The following EZH2 variants were observed in gnomAD, a reference collection of about 807,000 sequenced individuals.
The protein encoded by EZH2 is histone-lysine N-methyltransferase EZH2.
In EZH2, 18 loss-of-function variants were observed where a neutral mutation model predicts 98.4. The ratio of observed to expected loss-of-function variants is 0.18; its 90% CI spans 0.13 to 0.27. The LOEUF is 0.27. EZH2 is among the 10% of genes least tolerant of loss of function. The pLI is 1.00. For missense variants in EZH2, 470 were observed against 935.1 expected (o/e 0.50, Z 6.49); for synonymous variants, 338 against 312.3 (o/e 1.08, Z -0.87).
At chr7:148,814,828 C>T in intron 14 of EZH2, 86 bp downstream of exon 14, 1 of 1,483,318 alleles carries the variant, frequency 6.7e-7, no homozygotes, top group Non-Finnish European at 9.1e-7. Flanking sequence ...GGGAGTGCTC[C>T]CATGTTCTTA....
intron 1 of EZH2, among the ~76,000 whole-genome samples, chr7:148,848,675 G>A (rs773268152): frequency 1.4e-4 from 22 of 152,096 alleles, no homozygotes; most frequent in Non-Finnish European, 2.8e-4. Context: ...TAAATATTAT[G>A]ACCCAAGCAG....
chr7:148,829,713 A>G lies in EZH2; in HGVS notation c.484+15T>C, dbSNP rs528868013. Reference sequence around the variant, plus strand: ...CTTTAGCCCCTTTTTCCAAGAGAAGAAGCATATGGCTCACCTCTATCCCCG... The same window carrying G: ...CTTTAGCCCCTTTTTCCAAGAGAAGGAGCATATGGCTCACCTCTATCCCCG... On this transcript the variant is annotated intron_variant, in intron 5 of 19. Coordinates refer to ENST00000320356, the MANE Select transcript of EZH2 (RefSeq NM_004456.5). 4 of 1,603,316 alleles carry G rather than the reference A, an allele frequency of 2.5e-6. No individual in the cohort carries two copies. Among genetic ancestry groups the G allele is most frequent in the Middle Eastern group, 3.3e-4 (2 of 6,040 alleles).
chr7:148,879,508 T>C (rs566413532), intron 1 of EZH2, among the ~76,000 whole-genome samples: 2 of 152,036 alleles, frequency 1.3e-5, no homozygotes, highest in South Asian at 4.2e-4. Flanking sequence ...CTGGCCAACA[T>C]GGTGAAATCC....
At chr7:148,843,587 T>G (rs978785831) in intron 3 of EZH2, among the ~76,000 whole-genome samples, 41 of 10,714 alleles carry the variant, frequency 3.8e-3, no homozygotes, top group Non-Finnish European at 5.8e-3. Context: ...GTATAAGTTT[T>G]TTTTTTTTTT....
intron 9 of EZH2, among the ~76,000 whole-genome samples, chr7:148,818,809 A>G (rs1805262120): frequency 1.3e-5 from 2 of 152,242 alleles, no homozygotes; most frequent in Admixed American, 1.3e-4. Context: ...TATAGAGACC[A>G]CAGAAACATT....
chr7:148,829,893 T>A (rs2129477095), intron 4 of EZH2, 45 bp from the exon 5 acceptor site: 1 of 1,426,076 alleles, frequency 7.0e-7, no homozygotes. Context: ...ACTCTAAGTA[T>A]CAAATGTGAA....
intron 1 of EZH2, chr7:148,883,576 G>A (rs927751080): frequency 3.1e-4 from 46 of 150,136 alleles, no homozygotes; most frequent in African/African-American, 9.7e-4. Flanking sequence ...CGAGGCGAGG[G>A]CCGAGCCCTG....
chr7:148,813,339 A>G (rs1803679459), intron 15 of EZH2, among the ~76,000 whole-genome samples: 1 of 152,146 alleles, frequency 6.6e-6, no homozygotes, highest in African/African-American at 2.4e-5. Context: ...CTAAAAAAAA[A>G]AAAAAGATAC....
chr7:148,839,107 A>AGGAAGG (rs1307399209), intron 3 of EZH2, among the ~76,000 whole-genome samples: 2 of 150,056 alleles, frequency 1.3e-5, no homozygotes, highest in African/African-American at 2.5e-5. Flanking sequence ...GAAGGAAGGA[A>AGGAAGG]AGTGAGTGAG....
At chr7:148,868,374 G>A (rs767196977) in intron 1 of EZH2, among the ~76,000 whole-genome samples, 19 of 152,204 alleles carry the variant, frequency 1.2e-4, no homozygotes, top group Non-Finnish European at 2.4e-4. Context: ...GGGGAAGCCA[G>A]CACATTATAC....
intron 1 of EZH2, among the ~76,000 whole-genome samples, chr7:148,866,361 AAG>A (rs1490279483): frequency 1.1e-4 from 17 of 151,836 alleles, no homozygotes; most frequent in South Asian, 4.2e-4. Context: ...GCCCTTATAC[AAG>A]AGTCTGACTG....
chr7:148,845,975 G>A (rs1380472893), intron 3 of EZH2, among the ~76,000 whole-genome samples: 2 of 152,132 alleles, frequency 1.3e-5, no homozygotes, highest in African/African-American at 2.4e-5. Context: ...GAGCTAGCTC[G>A]TTCAGAAAGT....
intron 1 of EZH2, among the ~76,000 whole-genome samples, chr7:148,857,019 G>A (rs35656199): frequency 0.056 from 8,567 of 152,300 alleles, 341 homozygotes; most frequent in Middle Eastern, 0.12. Context: ...CCATTAACAT[G>A]AGCAATGGTA....
intron 1 of EZH2, among the ~76,000 whole-genome samples, chr7:148,869,338 CTTTTTTTTTTTTTT>C (rs143589780): frequency 2.5e-4 from 20 of 80,290 alleles, no homozygotes; most frequent in Non-Finnish European, 3.9e-4. Flanking sequence ...CAGCAATAGC[CTTTTTTTTTTTTTT>C]TTTTTTTTTT....
At position 148,808,652 on chromosome 7, in the gene EZH2, C is replaced by G. The variant is rs144001754; in HGVS notation, c.2195+419G>C. ...TATGTGTAATAAGTATTATAGCAAA[C>G]AATAAATTAAGTAGATCTAATCCAT... is the stretch of plus-strand genomic sequence containing the variant. On this transcript the variant is annotated intron_variant, in intron 19 of 19. Transcript: ENST00000320356. Among the ~76,000 whole-genome samples the G allele has an allele frequency of 2.0e-5, 3 of 152,256 alleles. No homozygotes were observed. The South Asian group carries it at 6.2e-4, about 32-fold the overall frequency.
chr7:148,819,932 T>C (rs1805533517), intron 8 of EZH2, among the ~76,000 whole-genome samples: 1 of 152,196 alleles, frequency 6.6e-6, no homozygotes, highest in Non-Finnish European at 1.5e-5. Context: ...GATTTCTCAT[T>C]TTTCTCCTTG....
At chr7:148,881,411 G>A (rs1368982672) in intron 1 of EZH2, among the ~76,000 whole-genome samples, 2 of 152,030 alleles carry the variant, frequency 1.3e-5, no homozygotes, top group Admixed American at 1.3e-4. Context: ...TTTGTGCAAG[G>A]CAAAGCTAGG....
chr7:148,846,936 C>T lies in EZH2; in HGVS notation c.117+246G>A, dbSNP rs556313423. 2.9e-4 allele frequency among the ~76,000 whole-genome samples: 44 copies of T among 150,666 alleles called. No homozygotes were observed. In the East Asian group the frequency reaches 3.9e-3, roughly 13 times the overall value. On this transcript the variant is annotated intron_variant, in intron 2 of 19. Transcript: ENST00000320356. ...AGAAACATAAAATCATGAAATGCAT[C>T]CCTTTATATTTAGGGAGGCATTTCT...
At chr7:148,864,766 ATCT>A (rs1355109575) in intron 1 of EZH2, among the ~76,000 whole-genome samples, 1 of 152,140 alleles carries the variant, frequency 6.6e-6, no homozygotes, top group Non-Finnish European at 1.5e-5. Flanking sequence ...TATAAGTTAA[ATCT>A]TCTCATTTCA....
Sources: allele counts gnomAD v4.1 joint callset (sites outside exome capture counted in the v4.1 genomes callset), GRCh38; gene constraint gnomAD v4.1.1; transcripts MANE v1.5; gene names NCBI Gene and HGNC (gene_info 2026-07-23, HGNC 2026-07-21).